The following PDE11A variants were observed in gnomAD, a reference collection of about 807,000 sequenced individuals.
PDE11A encodes the protein phosphodiesterase 11A, also known as dual 3',5'-cyclic-AMP and -GMP phosphodiesterase 11A.
Under a neutral mutation model 100.5 loss-of-function variants are expected in PDE11A, and 100 were observed. The ratio of observed to expected loss-of-function variants is 1.00; its 90% CI spans 0.85 to 1.18. The LOEUF is 1.18. Ranked by LOEUF, PDE11A falls within the 50% of genes most tolerant of loss-of-function variation. The pLI is 0.00. For synonymous variants in PDE11A, 381 were observed against 420.8 expected (o/e 0.91, Z 1.16); for missense variants, 1,141 against 1,152.6 (o/e 0.99, Z 0.15).
At chr2:178,100,429 G>A (rs1419449950) in intron 2 of PDE11A, among the ~76,000 whole-genome samples, 1 of 152,094 alleles carries the variant, frequency 6.6e-6, no homozygotes, top group Admixed American at 6.5e-5. Flanking sequence ...AATAAAATAT[G>A]GTTGACAGTG....
rs539381933 is a variant in PDE11A, at chr2:177,853,103, C to T, written c.1368-12720G>A. ...TCTAGCATCATATAATGACAATTGC[C>T]TGCTTCTGTCACAGCTGAATAAATC... On this transcript the variant is annotated intron_variant, in intron 5 of 19. Coordinates refer to ENST00000286063, the MANE Select transcript of PDE11A (RefSeq NM_016953.4). Among the ~76,000 whole-genome samples, 10 of 146,440 alleles carry T rather than the reference C, an allele frequency of 6.8e-5. No homozygotes were observed. The East Asian group carries it at 2.1e-3, about 30-fold the overall frequency.
At chr2:177,893,970 G>T (rs1038634560) in intron 4 of PDE11A, among the ~76,000 whole-genome samples, 1 of 152,118 alleles carries the variant, frequency 6.6e-6, no homozygotes, top group East Asian at 1.9e-4. Flanking sequence ...GGTCATTCTT[G>T]CTAATCTTCT....
chr2:177,867,983 G>T (rs530073892), intron 5 of PDE11A, among the ~76,000 whole-genome samples: 4 of 152,278 alleles, frequency 2.6e-5, no homozygotes, highest in African/African-American at 9.6e-5. Flanking sequence ...CGTCTCATGG[G>T]AGTCAATTCT....
chr2:177,858,578 T>C (rs1218466677), intron 5 of PDE11A, among the ~76,000 whole-genome samples: 2 of 152,014 alleles, frequency 1.3e-5, no homozygotes, highest in East Asian at 3.9e-4. Context: ...ATGGCAATCA[T>C]TAAAAAGTCA....
chr2:177,665,351 A>G (rs2080555336), intron 18 of PDE11A, among the ~76,000 whole-genome samples: 1 of 150,578 alleles, frequency 6.6e-6, no homozygotes, highest in African/African-American at 2.4e-5. Flanking sequence ...GTGGTGGCAC[A>G]CACTTGTCGT....
chr2:177,768,332 T>A (rs1398168636), intron 10 of PDE11A, among the ~76,000 whole-genome samples: 2 of 152,178 alleles, frequency 1.3e-5, no homozygotes, highest in African/African-American at 4.8e-5. Context: ...GTTCTAATGA[T>A]CTGATTCAAT....
intron 4 of PDE11A, among the ~76,000 whole-genome samples, chr2:177,885,381 T>G (rs2084414540): frequency 6.6e-6 from 1 of 152,214 alleles, no homozygotes; most frequent in African/African-American, 2.4e-5. Flanking sequence ...ATCTGTGGGT[T>G]CTGCAGGGCT....
intron 9 of PDE11A, among the ~76,000 whole-genome samples, chr2:177,792,527 T>C (rs971560332): frequency 3.9e-5 from 6 of 152,190 alleles, no homozygotes; most frequent in Non-Finnish European, 7.3e-5. Flanking sequence ...TTATTTGCAC[T>C]GGTTATGCAG....
chr2:177,853,684 G>A (rs541097637), intron 5 of PDE11A, among the ~76,000 whole-genome samples: 500 of 33,274 alleles, frequency 0.015, no homozygotes, highest in Non-Finnish European at 0.021. Context: ...ATATATATGT[G>A]TGTGTGTGTG....
intron 2 of PDE11A, among the ~76,000 whole-genome samples, chr2:177,911,233 A>G (rs1574272501): frequency 6.6e-6 from 1 of 152,224 alleles, no homozygotes; most frequent in East Asian, 1.9e-4. Flanking sequence ...AGAAAATAAC[A>G]TATCAAAATA....
intron 13 of PDE11A, among the ~76,000 whole-genome samples, chr2:177,708,713 C>T (rs1243702237): frequency 6.6e-6 from 1 of 152,188 alleles, no homozygotes; most frequent in Non-Finnish European, 1.5e-5. Context: ...TGTTAAAGTG[C>T]TGTAGTTAAA....
intron 10 of PDE11A, among the ~76,000 whole-genome samples, chr2:177,743,596 C>T (rs2081906273): frequency 6.6e-6 from 1 of 152,120 alleles, no homozygotes. Flanking sequence ...TCACTCAGAT[C>T]CCTTGAAGAG....
At chr2:177,779,567 T>G (rs561235147) in intron 9 of PDE11A, among the ~76,000 whole-genome samples, 1 of 152,364 alleles carries the variant, frequency 6.6e-6, no homozygotes, top group Admixed American at 6.5e-5. Context: ...CTTCACCAAG[T>G]GTATATTCCA....
At chr2:177,803,818 C>G (rs2082827935) in intron 9 of PDE11A, among the ~76,000 whole-genome samples, 1 of 151,908 alleles carries the variant, frequency 6.6e-6, no homozygotes, top group South Asian at 2.1e-4. Context: ...TAATAAAAGT[C>G]ATACACAACA....
In PDE11A at chr2:177,996,521, A is replaced by G. The variant is rs546150381; in HGVS notation, c.1071+17781T>C. ...CACATATACGCTTATGTATGTATGT[A>G]TATTATATATAGACATTTCTATTCA... On this transcript the variant is annotated intron_variant, in intron 2 of 19. Coordinates refer to ENST00000286063, the MANE Select transcript of PDE11A (RefSeq NM_016953.4). Among the ~76,000 whole-genome samples the G allele has an allele frequency of 3.3e-5, 5 of 151,384 alleles. No homozygotes were observed. In the East Asian group the frequency reaches 7.7e-4, roughly 23 times the overall value.
At chr2:177,901,253 C>T (rs905697936) in intron 3 of PDE11A, among the ~76,000 whole-genome samples, 2 of 152,026 alleles carry the variant, frequency 1.3e-5, no homozygotes, top group Non-Finnish European at 1.5e-5. Flanking sequence ...TGTGACCCCC[C>T]CCATCCATGA....
Position 177,816,864 on chromosome 2 carries a change from T to A in PDE11A, c.1702A>T (p.Lys568Ter). The change falls in exon 9 of 20, where the codon AAG becomes TAG. Residue 568 changes from lysine (K) to a stop codon, truncating the protein, a stop_gained. Coordinates refer to ENST00000286063, the MANE Select transcript of PDE11A (RefSeq NM_016953.4). LOFTEE classifies it high-confidence loss of function. ...ACAGACTGCTTGGCCCAGGACTTCT[T>A]CACTTGATCATACATAATTGTGTTG... ...INNTIMYDQV[K>*]KSWAKQSVAL... is the part of the protein sequence containing the mutation. 1 of 1,610,578 alleles carries A rather than the reference T, an allele frequency of 6.2e-7. No individual in the cohort carries two copies. The highest frequency in any genetic ancestry group is 1.1e-5 in the South Asian group (1 of 91,004).
At chr2:177,654,352 T>G (rs1174337957) in intron 19 of PDE11A, among the ~76,000 whole-genome samples, 2 of 152,130 alleles carry the variant, frequency 1.3e-5, no homozygotes, top group Non-Finnish European at 2.9e-5. Context: ...AAACCTTGTC[T>G]CTATGAAAAT....
chr2:177,823,146 C>G (rs1044872056), intron 6 of PDE11A, among the ~76,000 whole-genome samples: 3 of 152,044 alleles, frequency 2.0e-5, no homozygotes, highest in African/African-American at 7.2e-5. Context: ...AAAACGTAAG[C>G]ATAAATCATT....
Sources: gnomAD v4.1 joint callset for allele counts (sites outside exome capture counted in the v4.1 genomes callset) on GRCh38, gnomAD v4.1.1 for gene constraint, MANE v1.5 for transcripts, NCBI Gene and HGNC (gene_info 2026-07-23, HGNC 2026-07-21) for gene names.